Variants in RAB7A observed in about 807,000 individuals in gnomAD.
RAB7A encodes ras-related protein Rab-7a.
In RAB7A, 2 loss-of-function variants were observed where a neutral mutation model predicts 24.5. The ratio of observed to expected loss-of-function variants is 0.08; its 90% CI spans 0.03 to 0.26. The LOEUF is 0.26. Ranked by LOEUF, RAB7A falls within the 10% of genes least tolerant of loss-of-function variation. The probability of loss-of-function intolerance (pLI) is 1.00; values close to 1 mark genes in which losing one functional copy is unlikely to be tolerated. For synonymous variants in RAB7A, 100 were observed against 95.9 expected, an observed-to-expected ratio of 1.04 and a Z score of -0.25; for missense variants, 118 against 255.7, an observed-to-expected ratio of 0.46 and a Z score of 3.67.
At chr3:128,797,293 G>T (rs1041529910) in intron 2 of RAB7A, among the ~76,000 whole-genome samples, 2 of 151,916 alleles carry the variant, frequency 1.3e-5, no homozygotes, top group East Asian at 1.9e-4. Flanking sequence ...CTGGCTATGG[G>T]GGGGAAGGTT....
At position 128,751,318 on chromosome 3, in the gene RAB7A, C is replaced by A. The variant is rs139700591; in HGVS notation, c.-9+24959C>A. Among the ~76,000 whole-genome samples the A allele has an allele frequency of 3.2e-3, 488 of 152,280 alleles. 18 individuals are homozygous for A. The East Asian group carries it at 0.08, about 25-fold the overall frequency. On this transcript the variant is annotated intron_variant, in intron 1 of 5. Transcript: ENST00000265062. ...AAAAGCTACAGATACTCAACACCAG[C>A]CTGTGAAAGCAGCCAGGAGGGAGGC...
chr3:128,764,847 A>G, intron 1 of RAB7A: 1 of 1,115,568 alleles, frequency 9.0e-7, no homozygotes, highest in Non-Finnish European at 1.4e-6. Context: ...GAGATTGGTG[A>G]AGAAAGTATG....
At chr3:128,745,942 A>G (rs941723882) in intron 1 of RAB7A, among the ~76,000 whole-genome samples, 1 of 152,226 alleles carries the variant, frequency 6.6e-6, no homozygotes, top group African/African-American at 2.4e-5. Flanking sequence ...CTTCTTGACC[A>G]GCGCCCCCTG....
rs1288621227 is a variant in RAB7A at position 128,773,322 on chromosome 3, G to A, written c.-8-22038G>A. 1.2e-4 allele frequency among the ~76,000 whole-genome samples: 18 copies of A among 151,492 alleles called. No homozygotes were observed. In the East Asian group the frequency reaches 2.0e-3, roughly 16 times the overall value. ...AAGTGAGGAGCCCCTCCGCCCGGCA[G>A]CCGCCCCATCTGAGAAGTGAGGAGC... On this transcript the variant is annotated intron_variant, in intron 1 of 5. Transcript: ENST00000265062.
chr3:128,806,277 A>G, intron 3 of RAB7A, 95 bp from the exon 4 acceptor site: 1 of 1,175,972 alleles, frequency 8.5e-7, no homozygotes, highest in South Asian at 1.5e-5. Flanking sequence ...GGGTGGCCCC[A>G]CAATCTAGCC....
At chr3:128,757,212 C>T (rs1385028217) in intron 1 of RAB7A, among the ~76,000 whole-genome samples, 1 of 152,138 alleles carries the variant, frequency 6.6e-6, no homozygotes, top group Non-Finnish European at 1.5e-5. Context: ...CAACCAGAGA[C>T]TATGCAAATT....
At chr3:128,792,077 C>T (rs372401210) in intron 1 of RAB7A, among the ~76,000 whole-genome samples, 1 of 152,012 alleles carries the variant, frequency 6.6e-6, no homozygotes, top group Non-Finnish European at 1.5e-5. Context: ...AAATAAAGAG[C>T]GGGAATGGCT....
intron 1 of RAB7A, among the ~76,000 whole-genome samples, chr3:128,731,413 A>G (rs969450291): frequency 1.3e-5 from 2 of 152,234 alleles, no homozygotes; most frequent in African/African-American, 4.8e-5. Flanking sequence ...AAATCCTCTG[A>G]CCTGCACCAT....
At chr3:128,765,073 G>A in intron 1 of RAB7A, 2 of 994,854 alleles carry the variant, frequency 2.0e-6, no homozygotes, top group South Asian at 2.7e-5. Flanking sequence ...AGCGGCGGCG[G>A]GGGCCTTGGG....
chr3:128,739,123 C>T (rs1057053442), intron 1 of RAB7A, among the ~76,000 whole-genome samples: 6 of 152,192 alleles, frequency 3.9e-5, no homozygotes, highest in Non-Finnish European at 8.8e-5. Context: ...TGGAGCTTTG[C>T]CCATTCGTTT....
intron 1 of RAB7A, among the ~76,000 whole-genome samples, chr3:128,739,374 G>A (rs2070526930): frequency 6.6e-6 from 1 of 152,094 alleles, no homozygotes; most frequent in East Asian, 1.9e-4. Context: ...GTAGCTGGGT[G>A]TGGTGGTGCG....
chr3:128,777,440 A>G (rs1933122168), intron 1 of RAB7A, among the ~76,000 whole-genome samples: 1 of 152,074 alleles, frequency 6.6e-6, no homozygotes, highest in South Asian at 2.1e-4. Flanking sequence ...GGGTTCAAGC[A>G]GTCCTCGCAA....
chr3:128,729,864 C>A (rs2070417422), intron 1 of RAB7A, among the ~76,000 whole-genome samples: 1 of 152,156 alleles, frequency 6.6e-6, no homozygotes, highest in Non-Finnish European at 1.5e-5. Context: ...ATTAGAAGTC[C>A]TCCTGAATAA....
rs557244199 is a variant in RAB7A, at chr3:128,770,112, C to T, written c.-8-25248C>T. On this transcript the variant is annotated intron_variant, in intron 1 of 5. Transcript: ENST00000265062. ...TTGCCTTCTGGGTTCAAGCTGTTCTCCTGCCTCAGCCTCCTGAGTAGCTGG... is the reference window on the plus strand; with the variant it reads ...TTGCCTTCTGGGTTCAAGCTGTTCTTCTGCCTCAGCCTCCTGAGTAGCTGG... Among the ~76,000 whole-genome samples, 12 of 151,720 alleles carry T rather than the reference C, an allele frequency of 7.9e-5. No homozygotes were observed. In the South Asian group the frequency reaches 2.5e-3, roughly 32 times the overall value.
chr3:128,735,530 G>T (rs983081338), intron 1 of RAB7A, among the ~76,000 whole-genome samples: 5 of 152,210 alleles, frequency 3.3e-5, no homozygotes, highest in Non-Finnish European at 7.3e-5. Flanking sequence ...TTTGTCTAAA[G>T]AAACCATACA....
intron 1 of RAB7A, among the ~76,000 whole-genome samples, chr3:128,783,181 T>C (rs931520385): frequency 6.6e-6 from 1 of 151,956 alleles, no homozygotes; most frequent in Admixed American, 6.6e-5. Flanking sequence ...AAGGAGAGAA[T>C]ACCTTCAAGG....
At chr3:128,727,953 T>G (rs1162435058) in intron 1 of RAB7A, among the ~76,000 whole-genome samples, 1 of 151,480 alleles carries the variant, frequency 6.6e-6, no homozygotes, top group African/African-American at 2.4e-5. Context: ...TATTCATATT[T>G]GTCTTTTTTT....
chr3:128,771,776 GT>G (rs1220937740), intron 1 of RAB7A, among the ~76,000 whole-genome samples: 4 of 152,196 alleles, frequency 2.6e-5, no homozygotes, highest in African/African-American at 9.6e-5. Flanking sequence ...TCTTCGTTCT[GT>G]TATACCAGAG....
rs541090659 is a variant in RAB7A, at chr3:128,801,175, A to G, written c.180+3106A>G. ...AATAAATCCTAGAGATGTGTACAGC[A>G]TAGTGCCTGTAGTTAACAATACTGT... On this transcript the variant is annotated intron_variant, in intron 3 of 5. Transcript: ENST00000265062. Among the ~76,000 whole-genome samples the G allele has an allele frequency of 4.5e-4, 69 of 152,354 alleles. 1 individual carries two copies. Among genetic ancestry groups the G allele is most frequent in the African/African-American group, 1.5e-3 (64 of 41,566 alleles).
Sources: gnomAD v4.1 joint callset for allele counts (sites outside exome capture counted in the v4.1 genomes callset) on GRCh38, gnomAD v4.1.1 for gene constraint, MANE v1.5 for transcripts, NCBI Gene and HGNC (gene_info 2026-07-23, HGNC 2026-07-21) for gene names.